Variants in MEGF6 observed in about 807,000 individuals in gnomAD.
MEGF6 encodes multiple EGF like domains 6.
In MEGF6, 184 loss-of-function variants were observed where a neutral mutation model predicts 207.1. The observed-to-expected ratio is 0.89, with a 90% CI of 0.79 to 1.00. The LOEUF (loss-of-function observed/expected upper bound fraction) is 1.00. Among genes scored for constraint, MEGF6 ranks in the 50% least tolerant of loss-of-function variants. The probability of loss-of-function intolerance (pLI) is 0.00; values close to 1 mark genes in which losing one functional copy is unlikely to be tolerated. For synonymous variants in MEGF6, 1,038 were observed against 910.0 expected (o/e 1.14, Z -2.53); for missense variants, 2,282 against 2,202.9 (o/e 1.04, Z -0.72).
intron 8 of MEGF6, 78 bp from the exon 9 acceptor site, chr1:3,511,765 A>C (rs1570007135): frequency 1.3e-6 from 2 of 1,546,062 alleles, no homozygotes. Flanking sequence ...CCCTACCTCC[A>C]CCCAGCAGCC....
chr1:3,492,075 C>A (rs901066879), intron 35 of MEGF6, among the ~76,000 whole-genome samples: 4 of 152,108 alleles, frequency 2.6e-5, no homozygotes, highest in Non-Finnish European at 4.4e-5. Context: ...TGCAGGACTG[C>A]GTGCGTGGAC....
rs573525721 is a variant in MEGF6, at chr1:3,584,459, TCTC to T, written c.377-4533_377-4531del. 2.4e-3 allele frequency among the ~76,000 whole-genome samples: 372 copies of T among 152,262 alleles called. 2 individuals carry two copies. Among genetic ancestry groups the T allele is most frequent in the Non-Finnish European group, 4.0e-3 (275 of 68,000 alleles). ...GACCACCAGGCGGATCAAGCCTTCCTCTCCTCCTTCCTCGCCCACCACCCTGGC... is the reference window on the plus strand; with the variant it reads ...GACCACCAGGCGGATCAAGCCTTCCTCTCCTTCCTCGCCCACCACCCTGGC... On this transcript the variant is annotated intron_variant, in intron 3 of 36. Coordinates refer to ENST00000356575, the MANE Select transcript of MEGF6 (RefSeq NM_001409.4).
chr1:3,569,909 C>T (rs1480476533), intron 4 of MEGF6, among the ~76,000 whole-genome samples: 3 of 152,206 alleles, frequency 2.0e-5, no homozygotes, highest in Admixed American at 1.3e-4. Flanking sequence ...GCCACACAAC[C>T]CCACTGTGCA....
At chr1:3,621,161 A>T in the MEGF6 span, among the ~76,000 whole-genome samples, 1 of 152,206 alleles carries the variant, frequency 6.6e-6, no homozygotes, top group Non-Finnish European at 1.5e-5. Flanking sequence ...CAGGCCCTCC[A>T]CAAGAGGTGG....
At chr1:3,622,877 T>C in the MEGF6 span, among the ~76,000 whole-genome samples, 4 of 152,234 alleles carry the variant, frequency 2.6e-5, no homozygotes, top group African/African-American at 9.6e-5. Context: ...GAAATTTGTT[T>C]ATTGTCTAAA....
intron 4 of MEGF6, among the ~76,000 whole-genome samples, chr1:3,543,154 G>T (rs1642582807): frequency 1.3e-5 from 2 of 152,196 alleles, no homozygotes; most frequent in South Asian, 4.1e-4. Context: ...AAACACACTG[G>T]CCTGGAGACG....
In MEGF6 at chr1:3,501,323, C is replaced by T. The variant is rs926729035; in HGVS notation, c.2315-15G>A. 1.3e-6 allele frequency: 2 copies of T among 1,586,082 alleles called. No individual in the cohort carries two copies. The highest frequency in any genetic ancestry group is 1.7e-6 in the Non-Finnish European group (2 of 1,166,486). On this transcript the variant is annotated splice_polypyrimidine_tract_variant and intron_variant, in intron 18 of 36. Coordinates refer to ENST00000356575, the MANE Select transcript of MEGF6 (RefSeq NM_001409.4). ...CTCGGGACAATCTAGTGCCCACCCC[C>T]ATGGCCAGTCAGTGCCCAAGCTGCC... is the stretch of plus-strand genomic sequence containing the variant.
In MEGF6 at chr1:3,510,005, C is replaced by T. The variant is rs1049700065; in HGVS notation, c.1235-13G>A. On this transcript the variant is annotated splice_polypyrimidine_tract_variant and intron_variant, in intron 10 of 36. Transcript: ENST00000356575. ...CACTCATCCACATCTGCGGGCGACCCGGGACCACTGAGGCCTGTGCTCCCA... is the reference window on the plus strand; with the variant it reads ...CACTCATCCACATCTGCGGGCGACCTGGGACCACTGAGGCCTGTGCTCCCA... 3.8e-6 allele frequency: 6 copies of T among 1,579,484 alleles called. No individual in the cohort carries two copies. Among genetic ancestry groups the T allele is most frequent in the East Asian group, 2.3e-5 (1 of 43,966 alleles).
Position 3,495,973 on chromosome 1 carries a change from C to A in MEGF6, c.3788G>T (p.Gly1263Val). The change falls in exon 30 of 37, where the codon GGG becomes GTG. Residue 1263 changes from glycine to valine, a missense_variant. Gly to Val is a moderately radical substitution (Grantham distance 109, BLOSUM62 -3). Coordinates refer to ENST00000356575, the MANE Select transcript of MEGF6 (RefSeq NM_001409.4). ...GTCGCAGGCCGCCCCCTGCCCACAC[C>A]CACACACGTGGGTGCAGTTGGGGCC... is the stretch of plus-strand genomic sequence containing the variant. Reference protein sequence around the residue: ...RFGPNCTHVCGCGQGAACDPV... With the variant: ...RFGPNCTHVCVCGQGAACDPV... The A allele has an allele frequency of 6.3e-7, 1 of 1,576,580 alleles. No individual in the cohort carries two copies. The highest frequency in any genetic ancestry group is 1.1e-5 in the South Asian group (1 of 87,592).
chr1:3,515,878 G>A (rs1641525518), intron 5 of MEGF6, among the ~76,000 whole-genome samples: 2 of 152,228 alleles, frequency 1.3e-5, no homozygotes, highest in African/African-American at 4.8e-5. Flanking sequence ...GGGTCTCTGA[G>A]AAGCTGCAAG....
At chr1:3,614,171 C>T (rs972803774), upstream of MEGF6, among the ~76,000 whole-genome samples, 1 of 152,188 alleles carries the variant, frequency 6.6e-6, no homozygotes, top group Non-Finnish European at 1.5e-5. Context: ...TCAGGCACAG[C>T]AGGCAGCTCA....
chr1:3,505,400 C>CG lies in MEGF6; in HGVS notation c.2053+21_2053+22insC, dbSNP rs746395251. 178 of 1,601,498 alleles carry CG rather than the reference C, an allele frequency of 1.1e-4. 4 individuals are homozygous for CG. The African/African-American group carries it at 2.3e-3, about 21-fold the overall frequency. On this transcript the variant is annotated intron_variant, in intron 16 of 36. Coordinates refer to ENST00000356575, the MANE Select transcript of MEGF6 (RefSeq NM_001409.4). ...AACCGACCCTGGCGCCCCCCGCCCC[C>CG]AGACCCCATGCCTGGACTCACCTGC...
intron 5 of MEGF6, 84 bp downstream of exon 5, chr1:3,524,040 C>G: frequency 6.8e-7 from 1 of 1,476,968 alleles, no homozygotes; most frequent in South Asian, 1.3e-5. Flanking sequence ...CACAGCCACC[C>G]TCTCAGGCCA....
At chr1:3,614,858 C>T (rs368581414), upstream of MEGF6, among the ~76,000 whole-genome samples, 6 of 152,352 alleles carry the variant, frequency 3.9e-5, no homozygotes, top group Admixed American at 1.3e-4. Context: ...TCCACTGATG[C>T]GAGGCAGCCT....
chr1:3,524,976 C>T (rs575827208), intron 4 of MEGF6, among the ~76,000 whole-genome samples: 29 of 152,296 alleles, frequency 1.9e-4, no homozygotes, highest in South Asian at 6.2e-4. Flanking sequence ...TCATAGGGAG[C>T]GTGGCCCCGC....
the MEGF6 span, among the ~76,000 whole-genome samples, chr1:3,621,086 C>G: frequency 6.6e-6 from 1 of 152,256 alleles, no homozygotes; most frequent in Non-Finnish European, 1.5e-5. Flanking sequence ...AGGAGCATGA[C>G]CACTGAAGCA....
At chr1:3,604,964 C>T (rs539500870) in intron 1 of MEGF6, among the ~76,000 whole-genome samples, 48 of 152,188 alleles carry the variant, frequency 3.2e-4, no homozygotes, top group African/African-American at 1.1e-3. Flanking sequence ...GGTCTCACAG[C>T]CCCCAGGGCC....
At chr1:3,537,739 G>T (rs1338840810) in intron 4 of MEGF6, among the ~76,000 whole-genome samples, 1 of 152,218 alleles carries the variant, frequency 6.6e-6, no homozygotes, top group African/African-American at 2.4e-5. Context: ...CTGGGCACAC[G>T]CATTGGTAAG....
chr1:3,571,389 A>G (rs1248894646), intron 4 of MEGF6, among the ~76,000 whole-genome samples: 1 of 152,086 alleles, frequency 6.6e-6, no homozygotes, highest in Non-Finnish European at 1.5e-5. Context: ...CACCGAGACC[A>G]AGGCCAGCCT....
Sources: gnomAD v4.1 joint callset for allele counts (sites outside exome capture counted in the v4.1 genomes callset) on GRCh38, gnomAD v4.1.1 for gene constraint, MANE v1.5 for transcripts, NCBI Gene and HGNC (gene_info 2026-07-23, HGNC 2026-07-21) for gene names.